The following MBOAT2 variants were observed in gnomAD, a reference collection of about 807,000 sequenced individuals.
The protein encoded by MBOAT2 is membrane-bound glycerophospholipid O-acyltransferase 2.
A neutral mutation model predicts 63.4 loss-of-function variants in MBOAT2; 28 were observed. That is an observed-to-expected ratio of 0.44 (90% CI 0.33 to 0.61). The LOEUF (loss-of-function observed/expected upper bound fraction) is 0.61. Among genes scored for constraint, MBOAT2 ranks in the 20% least tolerant of loss-of-function variants. MBOAT2 has a pLI of 0.03. For missense variants in MBOAT2, 470 were observed against 605.8 expected (o/e 0.78, Z 2.35); for synonymous variants, 211 against 215.6 (o/e 0.98, Z 0.19).
intron 8 of MBOAT2, among the ~76,000 whole-genome samples, chr2:8,869,249 T>C (rs1662133953): frequency 6.6e-6 from 1 of 150,836 alleles, no homozygotes; most frequent in African/African-American, 2.4e-5. Context: ...GGTCCCACTA[T>C]GTTGCCAAGG....
At chr2:8,882,190 T>C (rs558482254) in intron 6 of MBOAT2, among the ~76,000 whole-genome samples, 1 of 152,236 alleles carries the variant, frequency 6.6e-6, no homozygotes, top group Non-Finnish European at 1.5e-5. Context: ...AATTACTACA[T>C]GGCAGACATG....
chr2:8,882,464 G>A (rs1170105329), intron 6 of MBOAT2, 47 bp downstream of exon 6: 3 of 1,589,340 alleles, frequency 1.9e-6, no homozygotes, highest in Non-Finnish European at 2.6e-6. Flanking sequence ...GTGGGTCCTA[G>A]GCAGGGGCGC....
At chr2:8,964,931 T>C (rs570297526) in intron 1 of MBOAT2, among the ~76,000 whole-genome samples, 3 of 152,246 alleles carry the variant, frequency 2.0e-5, no homozygotes, top group Admixed American at 1.3e-4. Flanking sequence ...TTTTTCTCAT[T>C]GACTTCTTTA....
Position 8,987,095 on chromosome 2 carries a change from A to G in MBOAT2, c.75+16445T>C, listed in dbSNP as rs141357108. 4.6e-3 allele frequency among the ~76,000 whole-genome samples: 701 copies of G among 152,372 alleles called. 5 individuals carry two copies. The highest frequency in any genetic ancestry group is 7.9e-3 in the Non-Finnish European group (538 of 68,034). ...CAATAATAATTATCAATACTGCTTC[A>G]CCAGCTGTGACAAATGACCATACTA... On this transcript the variant is annotated intron_variant, in intron 1 of 12. Transcript: ENST00000305997.
chr2:8,868,685 A>T, intron 8 of MBOAT2, 136 bp from the exon 9 acceptor site: 1 of 683,600 alleles, frequency 1.5e-6, no homozygotes, highest in Non-Finnish European at 2.4e-6. Flanking sequence ...TAAGTCAGAA[A>T]CAACATCGCA....
intron 1 of MBOAT2, among the ~76,000 whole-genome samples, chr2:8,969,668 G>A (rs1415526503): frequency 3.9e-5 from 6 of 152,146 alleles, no homozygotes; most frequent in Non-Finnish European, 7.3e-5. Flanking sequence ...TAAAGGGATG[G>A]AGGAAGATCT....
intron 1 of MBOAT2, among the ~76,000 whole-genome samples, chr2:8,989,289 T>G (rs1352244760): frequency 6.6e-6 from 1 of 152,206 alleles, no homozygotes; most frequent in African/African-American, 2.4e-5. Context: ...TAACGTCAAA[T>G]GAGTCTACTG....
At chr2:8,980,273 G>A (rs900129463) in intron 1 of MBOAT2, among the ~76,000 whole-genome samples, 2 of 152,140 alleles carry the variant, frequency 1.3e-5, no homozygotes, top group Non-Finnish European at 2.9e-5. Context: ...GTGTGCCACA[G>A]GAATGCACCT....
In MBOAT2 at chr2:8,856,370, C is replaced by A. The variant is rs1572893913; in HGVS notation, c.*2309G>T. Reference sequence around the variant, plus strand: ...AAAACCCAACAAGTTTGTATTAAGCCTTCTTGTTTTCACTTATGACATGCC... The same window carrying A: ...AAAACCCAACAAGTTTGTATTAAGCATTCTTGTTTTCACTTATGACATGCC... On this transcript the variant is annotated 3_prime_UTR_variant, in exon 13 of 13. Transcript: ENST00000305997. This position sits in a 1 kb window ranked among gnomAD's most constrained non-coding sequence, Gnocchi z 4.2. 6.6e-6 allele frequency: 1 copy of A among 151,522 alleles called. No individual in the cohort carries two copies. The highest frequency in any genetic ancestry group is 2.4e-5 in the African/African-American group (1 of 41,266). 9.4% of individuals were successfully genotyped at this position (151,522 alleles called of 1,614,324 possible).
At chr2:8,888,789 A>G (rs1358238109) in intron 4 of MBOAT2, among the ~76,000 whole-genome samples, 1 of 152,146 alleles carries the variant, frequency 6.6e-6, no homozygotes, top group African/African-American at 2.4e-5. Flanking sequence ...GCACTTTGGG[A>G]GGCTGAGGCG....
chr2:8,903,088 C>A (rs1336321256), intron 4 of MBOAT2, among the ~76,000 whole-genome samples: 1 of 152,134 alleles, frequency 6.6e-6, no homozygotes, highest in Non-Finnish European at 1.5e-5. Flanking sequence ...AAAAGTTCTC[C>A]AAGTCCCCAC....
intron 5 of MBOAT2, 86 bp downstream of exon 5, chr2:8,887,932 T>C: frequency 8.2e-6 from 10 of 1,215,768 alleles, no homozygotes; most frequent in Non-Finnish European, 1.1e-5. Flanking sequence ...CTTACTCTAA[T>C]AGCAGAAAGT....
chr2:9,000,991 T>C (rs998382513), intron 1 of MBOAT2, among the ~76,000 whole-genome samples: 2 of 152,070 alleles, frequency 1.3e-5, no homozygotes, highest in Non-Finnish European at 1.5e-5. Flanking sequence ...TAAAAAACGA[T>C]TAAAAACTAA....
intron 3 of MBOAT2, among the ~76,000 whole-genome samples, chr2:8,911,925 A>G (rs1383078704): frequency 6.6e-6 from 1 of 152,096 alleles, no homozygotes; most frequent in Non-Finnish European, 1.5e-5. Flanking sequence ...TCTATGCTAG[A>G]CTTAATAATT....
At chr2:8,944,924 G>C (rs1243897928) in intron 2 of MBOAT2, among the ~76,000 whole-genome samples, 1 of 152,114 alleles carries the variant, frequency 6.6e-6, no homozygotes, top group African/African-American at 2.4e-5. Flanking sequence ...TAAACTGCGA[G>C]GAGAACTCAA....
chr2:8,991,783 G>C (rs896353713), intron 1 of MBOAT2, among the ~76,000 whole-genome samples: 1 of 152,160 alleles, frequency 6.6e-6, no homozygotes, highest in African/African-American at 2.4e-5. Flanking sequence ...TAAAAATCCT[G>C]TTTTCACAAA....
At position 8,869,103 on chromosome 2, in the gene MBOAT2, G is replaced by A. The variant is rs147144465; in HGVS notation, c.884-554C>T. On this transcript the variant is annotated intron_variant, in intron 8 of 12. Transcript: ENST00000305997. ...TCCCTGTGTCACTGCCCAGGCTGGA[G>A]TGGCAGGATTATAGCTCACTGCAGC... Among the ~76,000 whole-genome samples, 82 of 152,202 alleles carry A rather than the reference G, an allele frequency of 5.4e-4. No individual in the cohort carries two copies. In the South Asian group the frequency reaches 6.6e-3, roughly 12 times the overall value.
chr2:8,909,622 G>A (rs1324838017), intron 3 of MBOAT2, among the ~76,000 whole-genome samples: 1 of 152,088 alleles, frequency 6.6e-6, no homozygotes. Context: ...TGTCATGTAG[G>A]CAGTTCAGGT....
chr2:8,996,408 C>T, intron 1 of MBOAT2, among the ~76,000 whole-genome samples: 1 of 152,168 alleles, frequency 6.6e-6, no homozygotes, highest in Non-Finnish European at 1.5e-5. Flanking sequence ...TGAAGCAACC[C>T]TAACGTCCTG....
Sources: allele counts gnomAD v4.1 joint callset (sites outside exome capture counted in the v4.1 genomes callset), GRCh38; gene constraint gnomAD v4.1.1; non-coding constraint Gnocchi (gnomAD v3.1); transcripts MANE v1.5; gene names NCBI Gene and HGNC (gene_info 2026-07-23, HGNC 2026-07-21).